Variants in PTK7 observed in about 807,000 individuals in gnomAD.
PTK7 encodes inactive tyrosine-protein kinase 7.
A neutral mutation model predicts 116.6 loss-of-function variants in PTK7; 39 were observed. That is an observed-to-expected ratio of 0.33 (90% CI 0.26 to 0.44). The LOEUF (loss-of-function observed/expected upper bound fraction) is 0.44, where lower values mean the gene tolerates loss of function less well. PTK7 is among the 20% of genes least tolerant of loss of function. The probability of loss-of-function intolerance (pLI) is 1.00; values close to 1 mark genes in which losing one functional copy is unlikely to be tolerated. For missense variants in PTK7, 1,169 were observed against 1,425.6 expected, an observed-to-expected ratio of 0.82 and a Z score of 2.90; for synonymous variants, 546 against 563.6, an observed-to-expected ratio of 0.97 and a Z score of 0.44.
chr6:43,143,288 A>G lies in PTK7; in HGVS notation c.2048-129A>G, dbSNP rs1770525690. 1 of 833,488 alleles carries G rather than the reference A, an allele frequency of 1.2e-6. No individual in the cohort carries two copies. Among genetic ancestry groups the G allele is most frequent in the Non-Finnish European group, 1.9e-6 (1 of 532,264 alleles). 51.6% of individuals were successfully genotyped at this position (833,488 alleles called of 1,614,324 possible). On this transcript the variant is annotated intron_variant, in intron 13 of 19. Coordinates refer to ENST00000230419, the MANE Select transcript of PTK7 (RefSeq NM_002821.5). The surrounding 1 kb of genome is among the most constrained non-coding windows in gnomAD (Gnocchi z 4.2). Reference sequence around the variant, plus strand: ...GGACCTGCTGGCCCTTGTTAAAGCCAGTGAAGGTGGTGACCCTCCCGGGCC... The same window carrying G: ...GGACCTGCTGGCCCTTGTTAAAGCCGGTGAAGGTGGTGACCCTCCCGGGCC...
intron 1 of PTK7, among the ~76,000 whole-genome samples, chr6:43,126,321 C>G (rs1449502990): frequency 1.3e-5 from 2 of 151,754 alleles, no homozygotes; most frequent in African/African-American, 4.8e-5. Context: ...AAGACTCCGT[C>G]TCAAAAAAAA....
intron 17 of PTK7, among the ~76,000 whole-genome samples, chr6:43,157,152 G>C (rs939818592): frequency 2.0e-5 from 3 of 147,722 alleles, no homozygotes; most frequent in Non-Finnish European, 4.5e-5. Flanking sequence ...TTGAGTGCTA[G>C]CATTGTTGGA....
chr6:43,104,359 C>G (rs182384042), intron 1 of PTK7, among the ~76,000 whole-genome samples: 90 of 152,142 alleles, frequency 5.9e-4, no homozygotes, highest in Non-Finnish European at 1.1e-3. Flanking sequence ...TGAAAAATTG[C>G]TTTATTTTCT....
At position 43,160,320 on chromosome 6, in the gene PTK7, A is replaced by G. The variant is rs1208838014; in HGVS notation, c.3052+354A>G. On this transcript the variant is annotated intron_variant, in intron 19 of 19. Transcript: ENST00000230419. ...TTAGTAGAGATGGGGGGGCTTCACC[A>G]TGTTGGTCAGGCTGGTCTCAAACTC... Among the ~76,000 whole-genome samples, 3 of 152,132 alleles carry G rather than the reference A, an allele frequency of 2.0e-5. No individual in the cohort carries two copies. The East Asian group carries it at 5.8e-4, about 29-fold the overall frequency.
intron 1 of PTK7, among the ~76,000 whole-genome samples, chr6:43,085,314 G>A (rs187037976): frequency 3.7e-4 from 56 of 152,160 alleles, no homozygotes; most frequent in African/African-American, 1.3e-3. Context: ...GCCCAGGCTG[G>A]AGTGCAGTAG....
chr6:43,089,717 G>A (rs940045356), intron 1 of PTK7, among the ~76,000 whole-genome samples: 2 of 152,196 alleles, frequency 1.3e-5, no homozygotes, highest in Non-Finnish European at 2.9e-5. Context: ...TCTTACCGGA[G>A]GAGTACTGAG....
In PTK7 at chr6:43,141,624, G is replaced by GGA; in HGVS notation, c.1619-44_1619-43insGA. On this transcript the variant is annotated intron_variant, in intron 10 of 19. Transcript: ENST00000230419. This position sits in a 1 kb window ranked among gnomAD's most constrained non-coding sequence, Gnocchi z 4.9. ...ACTGAAGGCATTGCCAGCTGTCTGT[G>GGA]TAACCCTGATCCTTCCCATAATTTC... is the stretch of plus-strand genomic sequence containing the variant. 1 of 1,598,190 alleles carries GGA rather than the reference G, an allele frequency of 6.3e-7. No individual in the cohort carries two copies. The highest frequency in any genetic ancestry group is 8.6e-7 in the Non-Finnish European group (1 of 1,168,954).
At chr6:43,125,555 C>T (rs1005669088) in intron 1 of PTK7, among the ~76,000 whole-genome samples, 1 of 152,240 alleles carries the variant, frequency 6.6e-6, no homozygotes, top group Admixed American at 6.5e-5. Context: ...TTATTGCCTT[C>T]AGACTTCTCT....
chr6:43,131,888 C>T, intron 5 of PTK7, 128 bp from the exon 6 acceptor site: 5 of 1,290,274 alleles, frequency 3.9e-6, no homozygotes, highest in Admixed American at 1.9e-5. Flanking sequence ...CAGCTTCCTT[C>T]TCTCTGCCCT....
chr6:43,092,249 C>G (rs559092743), intron 1 of PTK7, among the ~76,000 whole-genome samples: 1 of 152,172 alleles, frequency 6.6e-6, no homozygotes, highest in African/African-American at 2.4e-5. Context: ...TCATGGCTCA[C>G]TGCAGCCTCG....
rs1769747293 is a variant in PTK7, at chr6:43,132,482, G to A, written c.1023G>A (p.Val341=). Reference sequence around the variant, plus strand: ...TTACAGCTGGCAGCGAGGAGCGTGTGACCTGCCTTCCCCCCAAGGGTCTGC... The same window carrying A: ...TTACAGCTGGCAGCGAGGAGCGTGTAACCTGCCTTCCCCCCAAGGGTCTGC... ...RVFTAGSEER[V]TCLPPKGLPE... Residue 341 remains valine (V), a synonymous_variant, in exon 7 of 20, where the codon GTG becomes GTA. Coordinates refer to ENST00000230419, the MANE Select transcript of PTK7 (RefSeq NM_002821.5). 6.2e-7 allele frequency: 1 copy of A among 1,602,672 alleles called. No homozygotes were observed. The highest frequency in any genetic ancestry group is 1.3e-5 in the African/African-American group (1 of 74,858).
intron 1 of PTK7, among the ~76,000 whole-genome samples, chr6:43,116,637 T>C (rs760446151): frequency 8.0e-6 from 1 of 124,950 alleles, no homozygotes; most frequent in Non-Finnish European, 1.7e-5. Context: ...TGTGTGTGTG[T>C]GTGTGTGTGT....
At position 43,102,620 on chromosome 6, in the gene PTK7, A is replaced by C. The variant is rs189513523; in HGVS notation, c.79+26053A>C. Reference sequence around the variant, plus strand: ...CCCACCAAAAAAAAACCAAAAAAAAACAAACCAACCGCAAAGGTGTCACAC... The same window carrying C: ...CCCACCAAAAAAAAACCAAAAAAAACCAAACCAACCGCAAAGGTGTCACAC... On this transcript the variant is annotated intron_variant, in intron 1 of 19. Transcript: ENST00000230419. Among the ~76,000 whole-genome samples, 32 of 152,148 alleles carry C rather than the reference A, an allele frequency of 2.1e-4. No homozygotes were observed. In the East Asian group the frequency reaches 3.7e-3, roughly 17 times the overall value.
At chr6:43,124,981 T>C (rs1769202336) in intron 1 of PTK7, among the ~76,000 whole-genome samples, 1 of 152,210 alleles carries the variant, frequency 6.6e-6, no homozygotes, top group Non-Finnish European at 1.5e-5. Flanking sequence ...GAGACCAGCC[T>C]GACCAACATG....
intron 1 of PTK7, among the ~76,000 whole-genome samples, chr6:43,103,502 T>C (rs964387652): frequency 6.6e-6 from 1 of 151,638 alleles, no homozygotes; most frequent in Non-Finnish European, 1.5e-5. Flanking sequence ...AAATGTGTGC[T>C]CCCTGCAGGT....
In PTK7 at chr6:43,146,615, T is replaced by C. The variant is rs368368735; in HGVS notation, c.2641-3T>C. 3 of 1,613,280 alleles carry C rather than the reference T, an allele frequency of 1.9e-6. No homozygotes were observed. In the African/African-American group the frequency reaches 4.0e-5, roughly 22 times the overall value. ...TGAGCGAGATGCCTGGCTTTTCCCTTAGGGAGACCTCAAGCAGTTCCTGAG... is the reference window on the plus strand; with the variant it reads ...TGAGCGAGATGCCTGGCTTTTCCCTCAGGGAGACCTCAAGCAGTTCCTGAG... On this transcript the variant is annotated splice_region_variant and splice_polypyrimidine_tract_variant and intron_variant, in intron 16 of 19. Coordinates refer to ENST00000230419, the MANE Select transcript of PTK7 (RefSeq NM_002821.5).
At chr6:43,144,718 T>C in intron 15 of PTK7, 112 bp downstream of exon 15, 2 of 1,329,206 alleles carry the variant, frequency 1.5e-6, no homozygotes, top group East Asian at 4.9e-5. Flanking sequence ...ATGTTAGAGG[T>C]GGAGGGAAGC....
At chr6:43,118,263 G>A (rs1461164708) in intron 1 of PTK7, among the ~76,000 whole-genome samples, 2 of 152,106 alleles carry the variant, frequency 1.3e-5, no homozygotes, top group South Asian at 2.1e-4. Flanking sequence ...TAGGCCGGGC[G>A]CGTTGGCTCA....
chr6:43,151,284 T>C (rs527425625), intron 17 of PTK7, among the ~76,000 whole-genome samples: 2 of 148,054 alleles, frequency 1.4e-5, no homozygotes, highest in South Asian at 2.2e-4. Context: ...TGATCTCTGC[T>C]CACTGCAAGC....
Sources: gnomAD v4.1 joint callset for allele counts (sites outside exome capture counted in the v4.1 genomes callset) on GRCh38, gnomAD v4.1.1 for gene constraint, Gnocchi (gnomAD v3.1) non-coding constraint, MANE v1.5 for transcripts, NCBI Gene and HGNC (gene_info 2026-07-23, HGNC 2026-07-21) for gene names.